The following CPS1 variants were observed in gnomAD, a reference collection of about 807,000 sequenced individuals.
CPS1 encodes carbamoyl-phosphate synthase 1, also known as carbamoyl-phosphate synthase [ammonia], mitochondrial.
In CPS1, 109 loss-of-function variants were observed where a neutral mutation model predicts 174.6. The observed-to-expected ratio is 0.62, with a 90% CI of 0.53 to 0.73. The LOEUF (loss-of-function observed/expected upper bound fraction) is 0.73, where lower values mean the gene tolerates loss of function less well. CPS1 is among the 30% of genes least tolerant of loss of function. The probability of loss-of-function intolerance (pLI) is 0.00; values close to 1 mark genes in which losing one functional copy is unlikely to be tolerated. For synonymous variants in CPS1, 637 were observed against 632.0 expected, an observed-to-expected ratio of 1.01 and a Z score of -0.12; for missense variants, 1,689 against 1,821.9, an observed-to-expected ratio of 0.93 and a Z score of 1.33.
chr2:210,678,245 T>C lies in CPS1; in HGVS notation c.*260T>C. 1 of 507,432 alleles carries C rather than the reference T, an allele frequency of 2.0e-6. No homozygotes were observed. The highest frequency in any genetic ancestry group is 2.0e-5 in the South Asian group (1 of 49,050). The allele number at this position is 507,432 out of a possible 1,614,324, so 31.4% of individuals were successfully genotyped here. A position where few individuals can be genotyped will look rare whatever the true frequency, so the allele number is the denominator to read the frequency against. The stretch of plus-strand genomic sequence containing the variant: ...ATTTTTGGTGGACTAGGCTTGCCTA[T>C]GTGCTTATGTGTAGCTTTTTACTTT... On this transcript the variant is annotated 3_prime_UTR_variant, in exon 38 of 38. Coordinates refer to ENST00000233072, the MANE Select transcript of CPS1 (RefSeq NM_001875.5).
intron 1 of CPS1, among the ~76,000 whole-genome samples, chr2:210,571,981 C>G (rs1407765972): frequency 6.6e-6 from 1 of 151,232 alleles, no homozygotes; most frequent in Non-Finnish European, 1.5e-5. Flanking sequence ...AGTCCTAAAA[C>G]TGTAAGGGAA....
intron 1 of CPS1, among the ~76,000 whole-genome samples, chr2:210,563,620 G>A (rs565097635): frequency 6.6e-6 from 1 of 152,162 alleles, no homozygotes; most frequent in Non-Finnish European, 1.5e-5. Context: ...AAGGATCGAT[G>A]TCCTTAGAAT....
At chr2:210,533,273 A>T (rs1183801399) in intron 1 of CPS1, among the ~76,000 whole-genome samples, 1 of 152,180 alleles carries the variant, frequency 6.6e-6, no homozygotes, top group Admixed American at 6.5e-5. Context: ...GAGAATTGAA[A>T]TCCCATGAAT....
chr2:210,674,319 C>G (rs907479251), intron 34 of CPS1: 1 of 152,140 alleles, frequency 6.6e-6, no homozygotes, highest in Non-Finnish European at 1.5e-5. Context: ...ACTAAAAATA[C>G]AAAATTAGCT....
At chr2:210,574,496 A>G (rs1200343700) in intron 2 of CPS1, among the ~76,000 whole-genome samples, 4 of 152,106 alleles carry the variant, frequency 2.6e-5, no homozygotes, top group Non-Finnish European at 5.9e-5. Context: ...AAATAGTTCC[A>G]CTGGTGAGAA....
At chr2:210,655,216 T>C (rs1213871698) in intron 29 of CPS1, among the ~76,000 whole-genome samples, 8 of 152,224 alleles carry the variant, frequency 5.3e-5, no homozygotes, top group Admixed American at 4.6e-4. Context: ...GGTTGAGATA[T>C]AAAATAAGAG....
intron 1 of CPS1, among the ~76,000 whole-genome samples, chr2:210,498,419 A>G (rs1457968447): frequency 6.6e-6 from 1 of 151,888 alleles, no homozygotes; most frequent in African/African-American, 2.4e-5. Flanking sequence ...TTCTGTGGCT[A>G]TTGTAAATGG....
Position 210,677,153 on chromosome 2 carries a change from G to C in CPS1, c.4404+17G>C. On this transcript the variant is annotated intron_variant, in intron 37 of 37. Transcript: ENST00000233072. ...AATTTTCAGGTATAGTCTTTTCCTTGGATATAGACTGGATGGGAGTTTTAT... is the reference window on the plus strand; with the variant it reads ...AATTTTCAGGTATAGTCTTTTCCTTCGATATAGACTGGATGGGAGTTTTAT... 1.2e-6 allele frequency: 2 copies of C among 1,612,174 alleles called. No homozygotes were observed. The highest frequency in any genetic ancestry group is 2.2e-5 in the South Asian group (2 of 91,038).
chr2:210,546,730 C>T (rs1276314660), intron 1 of CPS1, among the ~76,000 whole-genome samples: 1 of 152,074 alleles, frequency 6.6e-6, no homozygotes, highest in African/African-American at 2.4e-5. Flanking sequence ...GAGAAAACTT[C>T]AGCAGACAGA....
rs780667059 is a variant in CPS1 at position 210,675,716 on chromosome 2, T to C, written c.4162-12T>C. The stretch of plus-strand genomic sequence containing the variant: ...TGTGATACGGTAATTGATTTTTTCA[T>C]TTTAAATGCAGCTGTTTGCCACGGA... On this transcript the variant is annotated splice_polypyrimidine_tract_variant and intron_variant, in intron 35 of 37. Transcript: ENST00000233072. 7.4e-7 allele frequency: 1 copy of C among 1,357,420 alleles called. No homozygotes were observed. Among genetic ancestry groups the C allele is most frequent in the Non-Finnish European group, 1.1e-6 (1 of 945,572 alleles). 84.1% of individuals were successfully genotyped at this position (1,357,420 alleles called of 1,614,324 possible). A position where few individuals can be genotyped will look rare whatever the true frequency, so the allele number is the denominator to read the frequency against.
intron 16 of CPS1, among the ~76,000 whole-genome samples, chr2:210,604,651 C>T (rs1316595999): frequency 6.6e-6 from 1 of 151,916 alleles, no homozygotes; most frequent in Non-Finnish European, 1.5e-5. Flanking sequence ...TCCTCATCAA[C>T]ATCAACTAAC....
In CPS1 at chr2:210,593,725, T is replaced by A. The variant is rs1168071427; in HGVS notation, c.1164+769T>A. 17 of 854,624 alleles carry A rather than the reference T, an allele frequency of 2.0e-5. No individual in the cohort carries two copies. In the South Asian group the frequency reaches 8.6e-4, roughly 43 times the overall value. 52.9% of individuals were successfully genotyped at this position (854,624 alleles called of 1,614,324 possible). ...TTTCTTTCTGCAAGCTCTGCTCTACTCTCTCATGTCTGAATTGCCGTTTTA... is the reference window on the plus strand; with the variant it reads ...TTTCTTTCTGCAAGCTCTGCTCTACACTCTCATGTCTGAATTGCCGTTTTA... On this transcript the variant is annotated intron_variant, in intron 11 of 37. Coordinates refer to ENST00000233072, the MANE Select transcript of CPS1 (RefSeq NM_001875.5).
chr2:210,554,868 T>C (rs1053058750), upstream of CPS1, among the ~76,000 whole-genome samples: 13 of 110,816 alleles, frequency 1.2e-4, no homozygotes, highest in Admixed American at 7.3e-4. Flanking sequence ...CACACACACA[T>C]AAAAAGACAA....
rs77794885 is a variant in CPS1 at position 210,485,231 on chromosome 2, C to A, written c.3+7465C>A. 4.3e-3 allele frequency among the ~76,000 whole-genome samples: 406 copies of A among 94,090 alleles called. 1 individual carries two copies. Among genetic ancestry groups the A allele is most frequent in the African/African-American group, 0.012 (341 of 29,312 alleles). 61.7% of individuals were successfully genotyped at this position (94,090 alleles called of 152,430 possible). On this transcript the variant is annotated intron_variant, in intron 1 of 38. Coordinates refer to the CPS1 transcript ENST00000430249. ...TGGGTGACAGAGCAAGACTACATCT[C>A]AAAAAAAAAAAAAATAAAATAAAAA...
Position 210,606,911 on chromosome 2 carries a change from G to A in CPS1, c.2162G>A (p.Arg721Gln), listed in dbSNP as rs752339705. The change falls in exon 18 of 38, where the codon CGA becomes CAA. Residue 721 changes from arginine to glutamine, a missense_variant. By Grantham distance (43) the Arg-to-Gln change is conservative (BLOSUM62 1). Coordinates refer to ENST00000233072, the MANE Select transcript of CPS1 (RefSeq NM_001875.5). ...ATTGAAGTGAATGCCAGACTGTCCC[G>A]AAGCTCTGCTCTGGCCTCAAAAGCC... Reference protein sequence around the residue: ...CIIEVNARLSRSSALASKATG... With the variant: ...CIIEVNARLSQSSALASKATG... 15 of 1,612,336 alleles carry A rather than the reference G, an allele frequency of 9.3e-6. No homozygotes were observed. The highest frequency in any genetic ancestry group is 3.3e-5 in the Admixed American group (2 of 59,818).
intron 1 of CPS1, among the ~76,000 whole-genome samples, chr2:210,482,568 A>T (rs375593237): frequency 4.6e-5 from 7 of 152,134 alleles, no homozygotes; most frequent in South Asian, 2.1e-4. Flanking sequence ...AAGTACTGGA[A>T]TTACAGATGT....
chr2:210,623,497 G>C (rs1699602517), intron 21 of CPS1, among the ~76,000 whole-genome samples: 1 of 151,436 alleles, frequency 6.6e-6, no homozygotes. Flanking sequence ...AGTCAATATA[G>C]TTTTAAAAAA....
chr2:210,663,103 GTT>G lies in CPS1; in HGVS notation c.3928-9_3928-8del, dbSNP rs397703682. On this transcript the variant is annotated intron_variant, in intron 32 of 37. Coordinates refer to ENST00000233072, the MANE Select transcript of CPS1 (RefSeq NM_001875.5). ...TTTCCCTCACATAATTTTTCTCCCT[GTT>G]TTTTTTTTTTCCAACAGGCTCCCAT... is the stretch of plus-strand genomic sequence containing the variant. 10,830 of 1,222,630 alleles carry G rather than the reference GTT, an allele frequency of 8.9e-3. 83 individuals are homozygous for G. The highest frequency in any genetic ancestry group is 0.055 in the African/African-American group (3,710 of 67,334). 75.7% of individuals were successfully genotyped at this position (1,222,630 alleles called of 1,614,324 possible).
chr2:210,591,827 C>G lies in CPS1; in HGVS notation c.948-4C>G. 3 of 1,612,006 alleles carry G rather than the reference C, an allele frequency of 1.9e-6. No individual in the cohort carries two copies. The highest frequency in any genetic ancestry group is 2.5e-6 in the Non-Finnish European group (3 of 1,178,738). On this transcript the variant is annotated splice_region_variant and splice_polypyrimidine_tract_variant and intron_variant, in intron 9 of 37. Coordinates refer to ENST00000233072, the MANE Select transcript of CPS1 (RefSeq NM_001875.5). The stretch of plus-strand genomic sequence containing the variant: ...CCCTATTCTTTTTCTCCTTTTCTCT[C>G]CAGAGGGCAGAATCAGCCTGTTTTG...
Sources: allele counts gnomAD v4.1 joint callset (sites outside exome capture counted in the v4.1 genomes callset), GRCh38; gene constraint gnomAD v4.1.1; transcripts MANE v1.5; gene names NCBI Gene and HGNC (gene_info 2026-07-23, HGNC 2026-07-21).